The following AK9 variants were observed in gnomAD, a reference collection of about 807,000 sequenced individuals.
AK9 encodes adenylate kinase 9.
AK9 carries 191 observed loss-of-function variants against 239.6 expected under a neutral mutation model. The ratio of observed to expected loss-of-function variants is 0.80; its 90% CI spans 0.71 to 0.90. The LOEUF is 0.90. Ranked by LOEUF, AK9 falls within the 40% of genes least tolerant of loss-of-function variation. AK9 has a pLI of 0.00. For missense variants in AK9, 1,995 were observed against 2,214.7 expected (o/e 0.90, Z 1.99); for synonymous variants, 689 against 721.0 (o/e 0.96, Z 0.71).
At chr6:109,668,391 CTTTAG>C (rs1432551075) in intron 5 of AK9, among the ~76,000 whole-genome samples, 2 of 151,840 alleles carry the variant, frequency 1.3e-5, no homozygotes, top group Non-Finnish European at 2.9e-5. Flanking sequence ...GGCAAAAGCT[CTTTAG>C]TTTAATTAGA....
At chr6:109,538,204 G>A (rs1270021490) in intron 27 of AK9, among the ~76,000 whole-genome samples, 1 of 152,114 alleles carries the variant, frequency 6.6e-6, no homozygotes, top group African/African-American at 2.4e-5. Context: ...TGATAGTGAG[G>A]TGTTAAAGTC....
intron 3 of AK9, among the ~76,000 whole-genome samples, chr6:109,673,563 A>G (rs1771242234): frequency 6.6e-6 from 1 of 152,056 alleles, no homozygotes; most frequent in Non-Finnish European, 1.5e-5. Context: ...ATTCTCTTAT[A>G]TATTGCAAAG....
intron 26 of AK9, 103 bp from the exon 27 acceptor site, chr6:109,542,274 G>A (rs1376386903): frequency 4.4e-6 from 5 of 1,131,338 alleles, no homozygotes; most frequent in Admixed American, 2.9e-5. Context: ...CCTCATGGAG[G>A]TGGAGAGTAG....
chr6:109,514,549 G>A, intron 31 of AK9, 112 bp from the exon 32 acceptor site: 1 of 924,370 alleles, frequency 1.1e-6, no homozygotes, highest in East Asian at 2.7e-5. Context: ...ATTCCTTACA[G>A]AATAAGAAAA....
At chr6:109,506,622 T>C in intron 34 of AK9, 32 bp downstream of exon 34, 1 of 1,531,468 alleles carries the variant, frequency 6.5e-7, no homozygotes, top group Non-Finnish European at 8.8e-7. Flanking sequence ...TAAAGTTTAT[T>C]CCTTTTTTGT....
chr6:109,646,106 C>A (rs977098264), intron 8 of AK9, among the ~76,000 whole-genome samples: 60 of 152,228 alleles, frequency 3.9e-4, no homozygotes, highest in Non-Finnish European at 2.4e-4. Context: ...CATCAAAGAC[C>A]AAAGGTAGAT....
chr6:109,656,949 T>G, intron 7 of AK9, 65 bp from the exon 8 acceptor site: 1 of 1,564,428 alleles, frequency 6.4e-7, no homozygotes, highest in Non-Finnish European at 8.8e-7. Flanking sequence ...ACAAGCCATA[T>G]TCCCCACTCC....
At chr6:109,606,392 T>C (rs1383836432) in intron 17 of AK9, among the ~76,000 whole-genome samples, 1 of 152,076 alleles carries the variant, frequency 6.6e-6, no homozygotes, top group Non-Finnish European at 1.5e-5. Flanking sequence ...GCCAAGTACA[T>C]GGTGCGAAGT....
chr6:109,599,069 T>C (rs1230561488), intron 17 of AK9, among the ~76,000 whole-genome samples: 1 of 152,246 alleles, frequency 6.6e-6, no homozygotes, highest in Non-Finnish European at 1.5e-5. Context: ...GCAGAAGCTC[T>C]TTAGTTTAAT....
chr6:109,636,033 T>C (rs771219839), intron 10 of AK9, among the ~76,000 whole-genome samples: 19 of 152,182 alleles, frequency 1.2e-4, no homozygotes, highest in Non-Finnish European at 2.2e-4. Context: ...TTTTAATATA[T>C]ACCATTGAAT....
At chr6:109,566,472 G>A (rs1471823751) in intron 21 of AK9, among the ~76,000 whole-genome samples, 1 of 151,988 alleles carries the variant, frequency 6.6e-6, no homozygotes, top group Non-Finnish European at 1.5e-5. Context: ...ATGTATGCTT[G>A]GAGTACTAAA....
At chr6:109,530,187 T>TC (rs1781047439) in intron 28 of AK9, among the ~76,000 whole-genome samples, 1 of 152,158 alleles carries the variant, frequency 6.6e-6, no homozygotes. Flanking sequence ...CTCTGTAAAC[T>TC]GGTCTCCCTT....
At chr6:109,593,788 G>T (rs1562464000) in intron 17 of AK9, among the ~76,000 whole-genome samples, 1 of 152,150 alleles carries the variant, frequency 6.6e-6, no homozygotes, top group Non-Finnish European at 1.5e-5. Flanking sequence ...AATAGATGCA[G>T]AAAAGGCCTT....
intron 20 of AK9, among the ~76,000 whole-genome samples, chr6:109,574,908 C>G (rs930092085): frequency 6.6e-6 from 1 of 152,056 alleles, no homozygotes. Context: ...CATTCTTATG[C>G]CTTTGTGCCC....
chr6:109,497,463 A>T lies in AK9; in HGVS notation c.5315+2T>A. On this transcript the variant is annotated splice_donor_variant, in intron 38 of 40. Transcript: ENST00000424296. LOFTEE classifies it high-confidence loss of function. ...TAAATATTTGTGATTTAATGGTCTCACCTCAAAAATTTCTGGAGTTTTTCT... is the reference window on the plus strand; with the variant it reads ...TAAATATTTGTGATTTAATGGTCTCTCCTCAAAAATTTCTGGAGTTTTTCT... 1 of 1,558,784 alleles carries T rather than the reference A, an allele frequency of 6.4e-7. No homozygotes were observed. The highest frequency in any genetic ancestry group is 8.8e-7 in the Non-Finnish European group (1 of 1,131,138).
chr6:109,621,631 C>T (rs2128250843), intron 12 of AK9, among the ~76,000 whole-genome samples: 1 of 102,588 alleles, frequency 9.7e-6, no homozygotes, highest in South Asian at 3.4e-4. Flanking sequence ...TCTCAGTAAA[C>T]TATTGCAAGA....
intron 21 of AK9, among the ~76,000 whole-genome samples, chr6:109,567,196 G>A (rs1021482646): frequency 6.6e-6 from 1 of 151,964 alleles, no homozygotes; most frequent in African/African-American, 2.4e-5. Context: ...GACTAATGAA[G>A]AAGAAAATAG....
rs142187053 is a variant in AK9 at position 109,502,659 on chromosome 6, T to C, written c.4850-3419A>G. On this transcript the variant is annotated intron_variant, in intron 35 of 40. Transcript: ENST00000424296. ...AAACAATTACAAAAGATGGACACTCTTTCTTGCCCTTTCAGGTTGTTCACT... is the reference window on the plus strand; with the variant it reads ...AAACAATTACAAAAGATGGACACTCCTTCTTGCCCTTTCAGGTTGTTCACT... Among the ~76,000 whole-genome samples the C allele has an allele frequency of 2.8e-3, 430 of 152,360 alleles. 2 individuals are homozygous for C. Among genetic ancestry groups the C allele is most frequent in the Non-Finnish European group, 5.4e-3 (364 of 68,032 alleles).
chr6:109,535,067 C>T (rs1157724959), intron 27 of AK9, among the ~76,000 whole-genome samples: 2 of 152,142 alleles, frequency 1.3e-5, no homozygotes, highest in Non-Finnish European at 2.9e-5. Flanking sequence ...AATAAACATA[C>T]GTGTGCATGT....
Sources: gnomAD v4.1 joint callset for allele counts (sites outside exome capture counted in the v4.1 genomes callset) on GRCh38, gnomAD v4.1.1 for gene constraint, MANE v1.5 for transcripts, NCBI Gene and HGNC (gene_info 2026-07-23, HGNC 2026-07-21) for gene names.